The following FRMD4B variants were observed in gnomAD, a reference collection of about 807,000 sequenced individuals.
The protein encoded by FRMD4B is FERM domain containing 4B, also known as FERM domain-containing protein 4B.
Under a neutral mutation model 141.5 loss-of-function variants are expected in FRMD4B, and 74 were observed. That is an observed-to-expected ratio of 0.52 (90% CI 0.43 to 0.63). The LOEUF (loss-of-function observed/expected upper bound fraction) is 0.63. Among genes scored for constraint, FRMD4B ranks in the 30% least tolerant of loss-of-function variants. The pLI is 0.00. For synonymous variants in FRMD4B, 506 were observed against 467.9 expected (o/e 1.08, Z -1.05); for missense variants, 1,366 against 1,253.4 (o/e 1.09, Z -1.36).
chr3:69,225,631 C>T (rs544665353), intron 7 of FRMD4B, among the ~76,000 whole-genome samples: 2 of 126,450 alleles, frequency 1.6e-5, no homozygotes, highest in African/African-American at 6.1e-5. Context: ...GGAAGCGCAG[C>T]TTGCAGTGAG....
intron 1 of FRMD4B, among the ~76,000 whole-genome samples, chr3:69,457,026 A>G (rs764519504): frequency 4.6e-5 from 7 of 152,202 alleles, no homozygotes; most frequent in African/African-American, 7.2e-5. Context: ...TCTAATTCAC[A>G]TACACACACA....
intron 1 of FRMD4B, among the ~76,000 whole-genome samples, chr3:69,454,605 G>A (rs1176127906): frequency 2.6e-5 from 4 of 152,312 alleles, no homozygotes; most frequent in Admixed American, 6.5e-5. Flanking sequence ...AGGGTGTGCC[G>A]GGTCCCCCAG....
chr3:69,463,530 T>A (rs1333456217), intron 1 of FRMD4B, among the ~76,000 whole-genome samples: 10 of 152,228 alleles, frequency 6.6e-5, no homozygotes, highest in African/African-American at 2.4e-4. Context: ...AGATCCTAAT[T>A]TTTTATCTTC....
intron 5 of FRMD4B, among the ~76,000 whole-genome samples, chr3:69,265,303 T>G: frequency 8.8e-6 from 1 of 113,948 alleles, no homozygotes; most frequent in African/African-American, 3.4e-5. Flanking sequence ...TATATATATA[T>G]ATATATATAT....
chr3:69,267,095 A>T (rs2093565956), intron 5 of FRMD4B, among the ~76,000 whole-genome samples: 3 of 152,232 alleles, frequency 2.0e-5, no homozygotes, highest in Non-Finnish European at 4.4e-5. Context: ...TATTAATAGG[A>T]TAGAAAGAGA....
chr3:69,335,785 C>T (rs1356113156), intron 1 of FRMD4B, among the ~76,000 whole-genome samples: 8 of 149,094 alleles, frequency 5.4e-5, no homozygotes, highest in African/African-American at 9.9e-5. Flanking sequence ...ACCCACACTG[C>T]GATCTCAGCT....
At position 69,176,512 on chromosome 3, in the gene FRMD4B, T is replaced by C. The variant is rs2092647991; in HGVS notation, c.2984+12A>G. On this transcript the variant is annotated intron_variant, in intron 22 of 22. Coordinates refer to ENST00000398540, the MANE Select transcript of FRMD4B (RefSeq NM_015123.3). ...AACAGGCTCCTAGGATTTTCGAGCA[T>C]TGCTTCCTCACCTGCTTGGAGAGGG... 6.2e-7 allele frequency: 1 copy of C among 1,606,468 alleles called. No homozygotes were observed. The highest frequency in any genetic ancestry group is 8.5e-7 in the Non-Finnish European group (1 of 1,174,122).
At chr3:69,422,115 C>A (rs569972490) in intron 2 of FRMD4B, among the ~76,000 whole-genome samples, 2 of 151,946 alleles carry the variant, frequency 1.3e-5, no homozygotes, top group Non-Finnish European at 2.9e-5. Context: ...AGGGGCCGGG[C>A]GTGGTGGCCC....
At chr3:69,517,599 A>T (rs1700785487) in intron 1 of FRMD4B, among the ~76,000 whole-genome samples, 1 of 152,176 alleles carries the variant, frequency 6.6e-6, no homozygotes, top group Non-Finnish European at 1.5e-5. Context: ...GCCCCCAAAT[A>T]ACGGATTAAT....
chr3:69,461,538 C>T (rs1205355895), intron 1 of FRMD4B, among the ~76,000 whole-genome samples: 1 of 137,916 alleles, frequency 7.3e-6, no homozygotes, highest in African/African-American at 2.7e-5. Context: ...GTGGGAGAAT[C>T]ACTTGAGCCT....
At chr3:69,345,617 G>A (rs1252813175) in intron 1 of FRMD4B, among the ~76,000 whole-genome samples, 3 of 152,148 alleles carry the variant, frequency 2.0e-5, no homozygotes, top group African/African-American at 7.2e-5. Flanking sequence ...CACACAGCCG[G>A]GTAGTCCTCT....
At chr3:69,173,589 A>T (rs181655223) in intron 22 of FRMD4B, among the ~76,000 whole-genome samples, 56 of 152,348 alleles carry the variant, frequency 3.7e-4, no homozygotes, top group African/African-American at 1.3e-3. Flanking sequence ...TTTATGAATG[A>T]TTGTTATTAT....
rs117823168 is a variant in FRMD4B at position 69,398,607 on chromosome 3, C to T, written c.-1+34027G>A. Among the ~76,000 whole-genome samples, 76 of 152,302 alleles carry T rather than the reference C, an allele frequency of 5.0e-4. No individual in the cohort carries two copies. The East Asian group carries it at 0.014, about 28-fold the overall frequency. ...ATGAAATGTAAGCCTCCCTCACATC[C>T]TTGTTCCCCAGCTCCTTATTTCCAG... On this transcript the variant is annotated intron_variant, in intron 2 of 5. Coordinates refer to the FRMD4B transcript ENST00000459638.
chr3:69,302,856 T>C (rs1701262355), intron 3 of FRMD4B, among the ~76,000 whole-genome samples: 1 of 152,172 alleles, frequency 6.6e-6, no homozygotes, highest in East Asian at 1.9e-4. Context: ...GCAGATCACC[T>C]GAGGTCAGGA....
At chr3:69,440,873 G>A (rs1276390194) in intron 1 of FRMD4B, among the ~76,000 whole-genome samples, 7 of 152,152 alleles carry the variant, frequency 4.6e-5, no homozygotes, top group Admixed American at 6.5e-5. Flanking sequence ...ATTTTGCTTA[G>A]AACTACAATG....
At position 69,236,788 on chromosome 3, in the gene FRMD4B, AG is replaced by A. The variant is rs539617374; in HGVS notation, c.582-12099del. 3.6e-4 allele frequency among the ~76,000 whole-genome samples: 55 copies of A among 152,354 alleles called. No individual in the cohort carries two copies. In the South Asian group the frequency reaches 0.011, roughly 30 times the overall value. Reference sequence around the variant, plus strand: ...TATACTAAGGCCTGGGATGGGATGAAGAAAAGAAGAAACAAGCTGACACTTT... The same window carrying A: ...TATACTAAGGCCTGGGATGGGATGAAAAAAGAAGAAACAAGCTGACACTTT... On this transcript the variant is annotated intron_variant, in intron 7 of 22. Transcript: ENST00000398540.
chr3:69,431,492 T>A (rs777396433), intron 2 of FRMD4B, among the ~76,000 whole-genome samples: 1 of 152,164 alleles, frequency 6.6e-6, no homozygotes. Flanking sequence ...GAAATTTCCA[T>A]CCCTGAAGTA....
chr3:69,372,110 T>C (rs1287167795), intron 1 of FRMD4B, among the ~76,000 whole-genome samples: 1 of 152,196 alleles, frequency 6.6e-6, no homozygotes, highest in Non-Finnish European at 1.5e-5. Context: ...CCTCAGTGTC[T>C]TTGCGTCTGC....
At chr3:69,525,805 A>T (rs1575600815) in intron 1 of FRMD4B, among the ~76,000 whole-genome samples, 1 of 148,886 alleles carries the variant, frequency 6.7e-6, no homozygotes, top group Non-Finnish European at 1.5e-5. Context: ...GATGTGTGCC[A>T]CCATGCCTGG....
Sources: allele counts gnomAD v4.1 joint callset (sites outside exome capture counted in the v4.1 genomes callset), GRCh38; gene constraint gnomAD v4.1.1; transcripts MANE v1.5; gene names NCBI Gene and HGNC (gene_info 2026-07-23, HGNC 2026-07-21).